KIF6: variants seen among roughly 807,000 people sequenced by gnomAD.
KIF6 encodes the protein kinesin family member 6, also known as kinesin-like protein KIF6.
In KIF6, 106 loss-of-function variants were observed where a neutral mutation model predicts 112.7. That is an observed-to-expected ratio of 0.94 (90% confidence interval 0.80 to 1.11). The LOEUF is 1.11. Ranked by LOEUF, KIF6 falls within the 50% of genes least tolerant of loss-of-function variation. The pLI, the probability that KIF6 is intolerant of heterozygous loss-of-function variation, is 0.00. For synonymous variants in KIF6, 339 were observed against 339.9 expected (o/e 1.00, Z 0.03); for missense variants, 929 against 964.0 (o/e 0.96, Z 0.48).
At chr6:39,424,730 A>G (rs750466424) in intron 14 of KIF6, among the ~76,000 whole-genome samples, 1 of 152,128 alleles carries the variant, frequency 6.6e-6, no homozygotes, top group Non-Finnish European at 1.5e-5. Context: ...ATTCATTATG[A>G]CCATGGCCTG....
intron 16 of KIF6, among the ~76,000 whole-genome samples, chr6:39,362,886 C>T (rs548221493): frequency 2.2e-4 from 33 of 152,298 alleles, no homozygotes; most frequent in East Asian, 5.8e-4. Context: ...CAGTGGCTCA[C>T]GCTTGTAATC....
chr6:39,455,309 CCTGT>C (rs1205628062), intron 13 of KIF6, among the ~76,000 whole-genome samples: 5 of 151,620 alleles, frequency 3.3e-5, no homozygotes, highest in Non-Finnish European at 5.9e-5. Flanking sequence ...AGCTGAGGGT[CCTGT>C]CTGTTAGAAG....
intron 10 of KIF6, among the ~76,000 whole-genome samples, chr6:39,558,918 G>A (rs1273714771): frequency 6.6e-6 from 1 of 152,088 alleles, no homozygotes; most frequent in African/African-American, 2.4e-5. Context: ...GATGGAGACA[G>A]GCCTTTTTAA....
chr6:39,695,429 A>G lies in KIF6; in HGVS notation c.251+19263T>C, dbSNP rs972050133. On this transcript the variant is annotated intron_variant, in intron 3 of 22. Transcript: ENST00000287152. ...TGCATCTGATAAAGGACTAATATCC[A>G]GAATCTATAAGGAACTTAAAGAAAT... 2.0e-5 allele frequency among the ~76,000 whole-genome samples: 3 copies of G among 152,348 alleles called. No homozygotes were observed. In the East Asian group the frequency reaches 5.8e-4, roughly 29 times the overall value.
chr6:39,401,788 C>G (rs1347629722), intron 15 of KIF6, among the ~76,000 whole-genome samples: 1 of 152,050 alleles, frequency 6.6e-6, no homozygotes, highest in African/African-American at 2.4e-5. Flanking sequence ...AACATCTACC[C>G]TGTTCCTTAT....
At chr6:39,641,387 C>A (rs747685173) in intron 3 of KIF6, among the ~76,000 whole-genome samples, 5 of 151,816 alleles carry the variant, frequency 3.3e-5, no homozygotes, top group African/African-American at 1.2e-4. Context: ...AGCAAACTAT[C>A]GCAAGGGCAA....
intron 15 of KIF6, among the ~76,000 whole-genome samples, chr6:39,394,072 A>G (rs995164220): frequency 7.2e-5 from 11 of 152,164 alleles, no homozygotes; most frequent in African/African-American, 2.7e-4. Flanking sequence ...ATGTATATGT[A>G]TGATGCTGTG....
intron 15 of KIF6, among the ~76,000 whole-genome samples, chr6:39,416,040 G>A (rs1040711745): frequency 6.6e-6 from 1 of 152,208 alleles, no homozygotes. Flanking sequence ...CTCCTGTGAT[G>A]TGAGTTTTCA....
At chr6:39,363,097 C>T (rs893602612) in intron 16 of KIF6, among the ~76,000 whole-genome samples, 6 of 152,098 alleles carry the variant, frequency 3.9e-5, no homozygotes, top group African/African-American at 9.7e-5. Flanking sequence ...TGCAGTGAGC[C>T]GAGATCATGC....
intron 19 of KIF6, among the ~76,000 whole-genome samples, chr6:39,347,038 G>T (rs1465884434): frequency 6.6e-6 from 1 of 152,176 alleles, no homozygotes; most frequent in Non-Finnish European, 1.5e-5. Context: ...TGATAGACAC[G>T]CCAGGCTTCG....
intron 3 of KIF6, among the ~76,000 whole-genome samples, chr6:39,656,945 C>A (rs1785823742): frequency 6.6e-6 from 1 of 152,026 alleles, no homozygotes; most frequent in Non-Finnish European, 1.5e-5. Flanking sequence ...AGATTGTGTT[C>A]TTTGGCCGGG....
intron 13 of KIF6, among the ~76,000 whole-genome samples, chr6:39,510,410 G>T (rs910095735): frequency 6.6e-6 from 1 of 152,122 alleles, no homozygotes; most frequent in South Asian, 2.1e-4. Context: ...TTAAAGCAAA[G>T]AATTTTCAAC....
chr6:39,682,971 C>T (rs1375747084), intron 3 of KIF6, among the ~76,000 whole-genome samples: 1 of 152,216 alleles, frequency 6.6e-6, no homozygotes, highest in Non-Finnish European at 1.5e-5. Flanking sequence ...AGGAAGGACA[C>T]TTAGAGATAA....
At chr6:39,712,604 C>T (rs1159414374) in intron 3 of KIF6, among the ~76,000 whole-genome samples, 1 of 152,106 alleles carries the variant, frequency 6.6e-6, no homozygotes, top group Admixed American at 6.5e-5. Context: ...GTGGCTCACA[C>T]CTCTAATCCT....
At chr6:39,593,395 T>C (rs992780906) in intron 7 of KIF6, among the ~76,000 whole-genome samples, 5 of 152,172 alleles carry the variant, frequency 3.3e-5, no homozygotes, top group African/African-American at 9.7e-5. Flanking sequence ...TGTGTGAAAT[T>C]CAAAAATTTC....
intron 16 of KIF6, among the ~76,000 whole-genome samples, chr6:39,384,317 C>A (rs545199132): frequency 1.3e-5 from 2 of 152,308 alleles, no homozygotes; most frequent in South Asian, 4.1e-4. Context: ...ATAAGGTCAC[C>A]TTGGTACAGT....
intron 2 of KIF6, among the ~76,000 whole-genome samples, chr6:39,719,216 G>A (rs943025042): frequency 2.0e-5 from 3 of 152,180 alleles, no homozygotes; most frequent in Non-Finnish European, 4.4e-5. Context: ...TTACTTGGGA[G>A]GCTGAGGCAG....
At chr6:39,501,196 G>T (rs74550938) in intron 13 of KIF6, among the ~76,000 whole-genome samples, 6,797 of 152,178 alleles carry the variant, frequency 0.045, 286 homozygotes, top group East Asian at 0.25. Context: ...GGGAAGAACT[G>T]AGGCAACCAG....
At chr6:39,501,623 G>T (rs898323761) in intron 13 of KIF6, among the ~76,000 whole-genome samples, 1 of 152,158 alleles carries the variant, frequency 6.6e-6, no homozygotes, top group African/African-American at 2.4e-5. Context: ...AGCCAATTTA[G>T]AGAGAGGAGC....
Sources: gnomAD v4.1 joint callset for allele counts (sites outside exome capture counted in the v4.1 genomes callset) on GRCh38, gnomAD v4.1.1 for gene constraint, MANE v1.5 for transcripts, NCBI Gene and HGNC (gene_info 2026-07-23, HGNC 2026-07-21) for gene names.